Variants in CEP63 observed in about 807,000 individuals in gnomAD.
CEP63 encodes centrosomal protein of 63 kDa.
In CEP63, 84 loss-of-function variants were observed where a neutral mutation model predicts 89.1. That is an observed-to-expected ratio of 0.94 (90% CI 0.79 to 1.13). CEP63 has a LOEUF of 1.13. Among genes scored for constraint, CEP63 ranks in the 50% most tolerant of loss-of-function variants. The pLI is 0.00. For synonymous variants in CEP63, 267 were observed against 272.5 expected (o/e 0.98, Z 0.20); for missense variants, 838 against 813.3 (o/e 1.03, Z -0.37).
rs562572900 is a variant in CEP63 at position 134,512,955 on chromosome 3, T to C, written c.222+5669T>C. On this transcript the variant is annotated intron_variant, in intron 3 of 14. Transcript: ENST00000675561. Reference sequence around the variant, plus strand: ...AATTGTCTCACTTTCATTTGGTTTTTTAAACATACCTACCATTGATTCTTT... The same window carrying C: ...AATTGTCTCACTTTCATTTGGTTTTCTAAACATACCTACCATTGATTCTTT... Among the ~76,000 whole-genome samples, 13 of 152,358 alleles carry C rather than the reference T, an allele frequency of 8.5e-5. No individual in the cohort carries two copies. The South Asian group carries it at 2.7e-3, about 32-fold the overall frequency.
chr3:134,566,404 T>G (rs1288275798), downstream of CEP63, among the ~76,000 whole-genome samples: 2 of 152,254 alleles, frequency 1.3e-5, no homozygotes, highest in African/African-American at 2.4e-5. Flanking sequence ...TAATTTTCAT[T>G]AGAATCTTGA....
chr3:134,610,503 C>T, the CEP63 span: 2 of 850,568 alleles, frequency 2.4e-6, no homozygotes, highest in Admixed American at 5.2e-5. Flanking sequence ...CTATCCTTTT[C>T]CTTGCTTCTT....
the CEP63 span, among the ~76,000 whole-genome samples, chr3:134,717,788 A>C: frequency 1.3e-5 from 2 of 152,218 alleles, no homozygotes; most frequent in Non-Finnish European, 2.9e-5. Flanking sequence ...ATAGAGAATC[A>C]CTGTCCTTAG....
the CEP63 span, among the ~76,000 whole-genome samples, chr3:134,765,176 T>C: frequency 6.6e-6 from 1 of 152,214 alleles, no homozygotes; most frequent in Non-Finnish European, 1.5e-5. Context: ...GGAATGACCA[T>C]GATAGTGTAT....
At chr3:134,778,055 A>G in the CEP63 span, among the ~76,000 whole-genome samples, 5 of 151,104 alleles carry the variant, frequency 3.3e-5, no homozygotes, top group African/African-American at 4.9e-5. Context: ...AGAATGCTGT[A>G]TTGAAGATCC....
At chr3:134,715,978 CT>C in the CEP63 span, among the ~76,000 whole-genome samples, 1,476 of 149,412 alleles carry the variant, frequency 9.9e-3, 18 homozygotes, top group African/African-American at 0.031. Context: ...CTTTCAAAGA[CT>C]TTTTTTTTTA....
the CEP63 span, among the ~76,000 whole-genome samples, chr3:134,750,042 T>C: frequency 1.3e-5 from 2 of 152,238 alleles, no homozygotes; most frequent in Non-Finnish European, 2.9e-5. Context: ...AAGGCTCCCC[T>C]GAGCTGAATA....
At chr3:134,760,183 C>G in the CEP63 span, among the ~76,000 whole-genome samples, 1 of 151,764 alleles carries the variant, frequency 6.6e-6, no homozygotes, top group Non-Finnish European at 1.5e-5. Flanking sequence ...CTCAGCCTCC[C>G]GCGTAGCTGG....
At chr3:134,545,563 T>G in intron 6 of CEP63, 23 bp from the exon 7 acceptor site, 1 of 1,494,420 alleles carries the variant, frequency 6.7e-7, no homozygotes, top group Non-Finnish European at 9.3e-7. Flanking sequence ...TTTTACCTAT[T>G]GATTGATAGT....
chr3:134,739,576 T>A, the CEP63 span, among the ~76,000 whole-genome samples: 18 of 152,202 alleles, frequency 1.2e-4, no homozygotes, highest in African/African-American at 4.3e-4. Context: ...GTTAATGAAC[T>A]AGTTACACAC....
rs1950905826 is a variant in CEP63 at position 134,537,073 on chromosome 3, A to C, written c.442-82A>C. The C allele has an allele frequency of 4.6e-6, 4 of 873,296 alleles. No individual in the cohort carries two copies. The Admixed American group carries it at 6.8e-5, about 15-fold the overall frequency. 54.1% of individuals were successfully genotyped at this position (873,296 alleles called of 1,614,324 possible). A position where few individuals can be genotyped will look rare whatever the true frequency, so the allele number is the denominator to read the frequency against. On this transcript the variant is annotated intron_variant, in intron 5 of 14. Transcript: ENST00000675561. The stretch of plus-strand genomic sequence containing the variant: ...CAAGCGTACCCAGGGACATGGGGAG[A>C]AATTAAAGTTAAAGGGAGTCTGGGA...
chr3:134,571,679 T>TCAA (rs772911275), intron 11 of CEP63, among the ~76,000 whole-genome samples: 17 of 151,912 alleles, frequency 1.1e-4, no homozygotes, highest in Middle Eastern at 3.4e-3. Flanking sequence ...AGACTCTGTC[T>TCAA]CAACAACAAC....
At chr3:134,650,981 C>T in the CEP63 span, 1 of 1,612,756 alleles carries the variant, frequency 6.2e-7, no homozygotes, top group South Asian at 1.1e-5. Flanking sequence ...CCTTTCCGAC[C>T]TGGGCGCCGC....
the CEP63 span, among the ~76,000 whole-genome samples, chr3:134,766,156 G>A: frequency 6.6e-6 from 1 of 152,224 alleles, no homozygotes; most frequent in African/African-American, 2.4e-5. Context: ...CTCATACTGT[G>A]AATGTATTTG....
At chr3:134,537,854 G>A (rs1951081783) in intron 6 of CEP63, among the ~76,000 whole-genome samples, 1 of 152,190 alleles carries the variant, frequency 6.6e-6, no homozygotes, top group African/African-American at 2.4e-5. Context: ...GCAATGGTGT[G>A]CACACCAACT....
intron 3 of CEP63, among the ~76,000 whole-genome samples, chr3:134,520,862 A>G (rs1947288455): frequency 6.6e-6 from 1 of 152,192 alleles, no homozygotes; most frequent in East Asian, 1.9e-4. Context: ...GTTTTATACC[A>G]TATACCAAAT....
At chr3:134,654,014 C>T in the CEP63 span, among the ~76,000 whole-genome samples, 1 of 152,188 alleles carries the variant, frequency 6.6e-6, no homozygotes, top group Non-Finnish European at 1.5e-5. Context: ...TTGAGCAAAA[C>T]TTTATTTTAA....
the CEP63 span, among the ~76,000 whole-genome samples, chr3:134,602,681 T>G: frequency 2.6e-5 from 4 of 151,936 alleles, no homozygotes; most frequent in Non-Finnish European, 5.9e-5. Flanking sequence ...TCTGTGGAGG[T>G]GGGGCAGGGG....
At chr3:134,653,873 C>T in the CEP63 span, among the ~76,000 whole-genome samples, 1 of 152,170 alleles carries the variant, frequency 6.6e-6, no homozygotes, top group African/African-American at 2.4e-5. Context: ...ACACCCCAAA[C>T]ACACCATACT....
Sources: allele counts gnomAD v4.1 joint callset (sites outside exome capture counted in the v4.1 genomes callset), GRCh38; gene constraint gnomAD v4.1.1; transcripts MANE v1.5; gene names NCBI Gene and HGNC (gene_info 2026-07-23, HGNC 2026-07-21).